The following IKZF3 variants were observed in gnomAD, a reference collection of about 807,000 sequenced individuals.
IKZF3 encodes the protein IKAROS family zinc finger 3.
IKZF3 carries 10 observed loss-of-function variants against 49.0 expected under a neutral mutation model. The observed-to-expected ratio is 0.20, with a 90% confidence interval of 0.13 to 0.35. The LOEUF is 0.35. IKZF3 is among the 10% of genes least tolerant of loss of function. The pLI is 1.00. For synonymous variants in IKZF3, 209 were observed against 228.2 expected (o/e 0.92, Z 0.76); for missense variants, 498 against 664.8 (o/e 0.75, Z 2.76).
chr17:39,773,869 T>G (rs2060505606), intron 7 of IKZF3, among the ~76,000 whole-genome samples: 1 of 152,172 alleles, frequency 6.6e-6, no homozygotes, highest in East Asian at 1.9e-4. Flanking sequence ...GAAGGTCTTC[T>G]TGTCCTTTGA....
At position 39,862,096 on chromosome 17, in the gene IKZF3, T is replaced by C. The variant is rs1166372121; in HGVS notation, c.7+2024A>G. Among the ~76,000 whole-genome samples the C allele has an allele frequency of 2.0e-5, 3 of 152,178 alleles. No homozygotes were observed. The East Asian group carries it at 5.8e-4, about 29-fold the overall frequency. On this transcript the variant is annotated intron_variant, in intron 1 of 7. Coordinates refer to ENST00000346872, the MANE Select transcript of IKZF3 (RefSeq NM_012481.5). ...ATAAACAGTCTTTGGGTAGAAAATATTTAAGGTCACAGATTGTGAGAAAAT... is the reference window on the plus strand; with the variant it reads ...ATAAACAGTCTTTGGGTAGAAAATACTTAAGGTCACAGATTGTGAGAAAAT...
intron 1 of IKZF3, among the ~76,000 whole-genome samples, chr17:39,850,820 A>C (rs138099678): frequency 0.045 from 3,989 of 88,688 alleles, 137 homozygotes; most frequent in African/African-American, 0.089. Context: ...ATATACATAT[A>C]TAATATGCTA....
At chr17:39,817,236 A>C (rs1375638837) in intron 3 of IKZF3, among the ~76,000 whole-genome samples, 3 of 152,220 alleles carry the variant, frequency 2.0e-5, no homozygotes, top group Non-Finnish European at 4.4e-5. Context: ...TAACATATAC[A>C]TTAAACATGA....
rs1471889525 is a variant in IKZF3, at chr17:39,762,963, C to T, written c.*2827G>A. On this transcript the variant is annotated 3_prime_UTR_variant, in exon 8 of 8. Transcript: ENST00000346872. ...TAATCTGGTGGAAAGGCTTCCTTTC[C>T]CTCGTTTTCTCTTCTACTAATCCCT... 6.6e-6 allele frequency: 1 copy of T among 152,142 alleles called. No individual in the cohort carries two copies. The highest frequency in any genetic ancestry group is 1.5e-5 in the Non-Finnish European group (1 of 68,038). 9.4% of individuals were successfully genotyped at this position (152,142 alleles called of 1,614,324 possible).
intron 3 of IKZF3, among the ~76,000 whole-genome samples, chr17:39,795,532 G>C (rs1006195644): frequency 6.6e-6 from 1 of 151,760 alleles, no homozygotes; most frequent in African/African-American, 2.4e-5. Context: ...TCAGCCTCCC[G>C]AGTAGCTGGG....
chr17:39,848,963 G>A (rs1568060183), intron 1 of IKZF3, among the ~76,000 whole-genome samples: 1 of 152,112 alleles, frequency 6.6e-6, no homozygotes, highest in Non-Finnish European at 1.5e-5. Context: ...GATTACAGGT[G>A]GGAGCCAACG....
At chr17:39,855,388 A>C (rs1406137714) in intron 1 of IKZF3, among the ~76,000 whole-genome samples, 1 of 152,230 alleles carries the variant, frequency 6.6e-6, no homozygotes, top group African/African-American at 2.4e-5. Flanking sequence ...GCACTACATG[A>C]ATTCCTAATA....
intron 3 of IKZF3, among the ~76,000 whole-genome samples, chr17:39,817,746 A>G (rs2061709238): frequency 6.6e-6 from 1 of 152,224 alleles, no homozygotes; most frequent in South Asian, 2.1e-4. Flanking sequence ...CATACTGATC[A>G]TATTATATAT....
chr17:39,780,682 T>C (rs946910930), intron 6 of IKZF3, among the ~76,000 whole-genome samples: 1 of 151,854 alleles, frequency 6.6e-6, no homozygotes, highest in Non-Finnish European at 1.5e-5. Context: ...TTTTTTTTCC[T>C]GGAATAACAT....
intron 1 of IKZF3, among the ~76,000 whole-genome samples, chr17:39,853,677 A>T (rs1005171098): frequency 3.3e-5 from 5 of 152,040 alleles, no homozygotes; most frequent in African/African-American, 1.2e-4. Flanking sequence ...CTCTACTAAA[A>T]ATACAAAATT....
intron 3 of IKZF3, among the ~76,000 whole-genome samples, chr17:39,806,727 T>C (rs1186422579): frequency 1.3e-5 from 2 of 152,214 alleles, no homozygotes; most frequent in Admixed American, 1.3e-4. Context: ...CACACCCTTG[T>C]GTAATATTCC....
intron 7 of IKZF3, among the ~76,000 whole-genome samples, chr17:39,771,590 C>A (rs1214572403): frequency 6.6e-6 from 1 of 152,096 alleles, no homozygotes; most frequent in Admixed American, 6.5e-5. Flanking sequence ...TCTTTAAAGT[C>A]TCCTTGAAAT....
chr17:39,832,006 AT>A, intron 2 of IKZF3, 91 bp downstream of exon 2: 1 of 936,484 alleles, frequency 1.1e-6, no homozygotes, highest in Non-Finnish European at 1.7e-6. Context: ...TTTCCATAGC[AT>A]TTTTACTGCA....
chr17:39,773,242 C>T (rs774768390), intron 7 of IKZF3, among the ~76,000 whole-genome samples: 50 of 152,262 alleles, frequency 3.3e-4, no homozygotes, highest in Non-Finnish European at 6.3e-4. Flanking sequence ...CGAGGTCTGG[C>T]GCTGCTCTGT....
At position 39,777,655 on chromosome 17, in the gene IKZF3, G is replaced by C. The variant is rs1384392399; in HGVS notation, c.822C>G (p.Phe274Leu). The C allele has an allele frequency of 6.2e-7, 1 of 1,608,768 alleles. No individual in the cohort carries two copies. Among genetic ancestry groups the C allele is most frequent in the Non-Finnish European group, 8.5e-7 (1 of 1,175,710 alleles). Reference protein sequence around the residue: ...AKRKSSMPQKFIGEKRHCFDV... With the variant: ...AKRKSSMPQKLIGEKRHCFDV... The stretch of plus-strand genomic sequence containing the variant: ...GAAAAAGGTTTGTATTCTTACCAAT[G>C]AATTTCTGAGGCATTGAGCTTTTTC... The change falls in exon 7 of 8, where the codon TTC becomes TTG. Residue 274 changes from phenylalanine to leucine, a missense_variant. Around this residue, in one of 3 missense-constraint regions of IKZF3, gnomAD observed 317 missense variants for 397.3 expected, o/e 0.80. Coordinates refer to ENST00000346872, the MANE Select transcript of IKZF3 (RefSeq NM_012481.5).
rs2061724477 is a variant in IKZF3, at chr17:39,818,355, A to G, written c.163+11032T>C. Among the ~76,000 whole-genome samples the G allele has an allele frequency of 2.6e-5, 4 of 152,214 alleles. No individual in the cohort carries two copies. In the South Asian group the frequency reaches 8.3e-4, roughly 31 times the overall value. ...TAAGAAATTAGTAACAATAACAATA[A>G]AATAGAACAATTACAACACTATACT... On this transcript the variant is annotated intron_variant, in intron 3 of 7. Coordinates refer to ENST00000346872, the MANE Select transcript of IKZF3 (RefSeq NM_012481.5).
intron 1 of IKZF3, chr17:39,836,169 A>C: frequency 1.5e-6 from 1 of 664,604 alleles, no homozygotes; most frequent in East Asian, 2.8e-5. Flanking sequence ...CCTCCAGCTT[A>C]AGGGGGCTCA....
At chr17:39,837,571 G>A (rs2062331345) in intron 1 of IKZF3, among the ~76,000 whole-genome samples, 1 of 151,120 alleles carries the variant, frequency 6.6e-6, no homozygotes, top group Admixed American at 6.6e-5. Flanking sequence ...ACCACACCTG[G>A]CCCAGTTTTT....
intron 3 of IKZF3, among the ~76,000 whole-genome samples, chr17:39,822,386 A>C (rs1040545208): frequency 1.3e-5 from 2 of 152,108 alleles, no homozygotes; most frequent in Non-Finnish European, 2.9e-5. Flanking sequence ...ACAGTGAGTG[A>C]GTTCTCACAA....
Sources: allele counts gnomAD v4.1 joint callset (sites outside exome capture counted in the v4.1 genomes callset), GRCh38; gene constraint gnomAD v4.1.1; regional missense constraint gnomAD v4.1.1; transcripts MANE v1.5; gene names NCBI Gene and HGNC (gene_info 2026-07-23, HGNC 2026-07-21).